Variants in CCSER1 observed in about 807,000 individuals in gnomAD.
CCSER1 encodes coiled-coil serine rich protein 1.
CCSER1 carries 41 observed loss-of-function variants against 82.0 expected under a neutral mutation model. That is an observed-to-expected ratio of 0.50 (90% CI 0.39 to 0.65). CCSER1 has a LOEUF of 0.65. Ranked by LOEUF, CCSER1 falls within the 30% of genes least tolerant of loss-of-function variation. The pLI is 0.00. For missense variants in CCSER1, 1,119 were observed against 1,064.2 expected, an observed-to-expected ratio of 1.05 and a Z score of -0.72; for synonymous variants, 414 against 383.9, an observed-to-expected ratio of 1.08 and a Z score of -0.92.
intron 4 of CCSER1, among the ~76,000 whole-genome samples, chr4:90,405,966 A>G (rs765652489): frequency 1.1e-4 from 17 of 152,112 alleles, no homozygotes; most frequent in Non-Finnish European, 2.5e-4. Context: ...AAAAAAAAGT[A>G]TGCAGGCAAC....
At chr4:90,930,255 A>G (rs1316483872) in intron 9 of CCSER1, among the ~76,000 whole-genome samples, 1 of 152,092 alleles carries the variant, frequency 6.6e-6, no homozygotes, top group African/African-American at 2.4e-5. Context: ...TATTTTTCCT[A>G]GACTGCCTTA....
At position 91,249,211 on chromosome 4, in the gene CCSER1, A is replaced by C. The variant is rs116305662; in HGVS notation, c.2217+163217A>C. Among the ~76,000 whole-genome samples, 504 of 152,254 alleles carry C rather than the reference A, an allele frequency of 3.3e-3. 3 individuals are homozygous for C. The highest frequency in any genetic ancestry group is 0.012 in the African/African-American group (485 of 41,566). ...AAAATTTGAAGGCTTGATTTGGTTC[A>C]CATTTTAAGCCATTTCTATGTTTTT... On this transcript the variant is annotated intron_variant, in intron 10 of 10. Transcript: ENST00000509176.
chr4:91,124,898 A>G (rs1249178405), intron 10 of CCSER1, among the ~76,000 whole-genome samples: 1 of 151,700 alleles, frequency 6.6e-6, no homozygotes, highest in African/African-American at 2.4e-5. Context: ...AGCTTGATCT[A>G]CTTTAATTTT....
chr4:91,236,549 TATA>T (rs1739026536), intron 10 of CCSER1, among the ~76,000 whole-genome samples: 1 of 152,124 alleles, frequency 6.6e-6, no homozygotes, highest in South Asian at 2.1e-4. Context: ...TGCAGTGTTC[TATA>T]ATTTTGAGGT....
intron 10 of CCSER1, among the ~76,000 whole-genome samples, chr4:91,418,041 T>C (rs1216458397): frequency 1.3e-5 from 2 of 151,668 alleles, no homozygotes; most frequent in Non-Finnish European, 2.9e-5. Context: ...CAAAAGAATA[T>C]TGAAACATAA....
At chr4:91,349,153 T>A (rs112217922) in intron 10 of CCSER1, among the ~76,000 whole-genome samples, 1 of 152,044 alleles carries the variant, frequency 6.6e-6, no homozygotes, top group Non-Finnish European at 1.5e-5. Context: ...GTGATCTGCC[T>A]GCCTCGGCCT....
rs189365642 is a variant in CCSER1, at chr4:90,520,526, A to T, written c.1724+52172A>T. On this transcript the variant is annotated intron_variant, in intron 5 of 10. Coordinates refer to ENST00000509176, the MANE Select transcript of CCSER1 (RefSeq NM_001145065.2). Reference sequence around the variant, plus strand: ...TTGTTGGCTTTCTTCACTAAATTCCAAGTTCCTTCAGGACTATGTCTTGCT... The same window carrying T: ...TTGTTGGCTTTCTTCACTAAATTCCTAGTTCCTTCAGGACTATGTCTTGCT... Among the ~76,000 whole-genome samples, 753 of 152,250 alleles carry T rather than the reference A, an allele frequency of 4.9e-3. 5 individuals are homozygous for T. Among genetic ancestry groups the T allele is most frequent in the Non-Finnish European group, 7.3e-3 (498 of 68,012 alleles).
intron 3 of CCSER1, among the ~76,000 whole-genome samples, chr4:90,315,527 CAG>C (rs1177926093): frequency 6.6e-6 from 1 of 152,030 alleles, no homozygotes; most frequent in African/African-American, 2.4e-5. Context: ...TTTTTTAAGG[CAG>C]AGTCTCACTC....
At chr4:91,594,378 TAC>T (rs536745275) in intron 10 of CCSER1, among the ~76,000 whole-genome samples, 3 of 137,390 alleles carry the variant, frequency 2.2e-5, no homozygotes, top group African/African-American at 5.2e-5. Flanking sequence ...CACATATATA[TAC>T]ACACATATAT....
At chr4:91,221,829 T>C (rs1231560122) in intron 10 of CCSER1, among the ~76,000 whole-genome samples, 1 of 152,086 alleles carries the variant, frequency 6.6e-6, no homozygotes, top group East Asian at 1.9e-4. Context: ...TAGAGTCCAG[T>C]GTGATAAGGT....
chr4:90,808,645 A>G (rs985165790), intron 7 of CCSER1, among the ~76,000 whole-genome samples: 2 of 152,184 alleles, frequency 1.3e-5, no homozygotes, highest in Admixed American at 1.3e-4. Context: ...AAAATGCTCA[A>G]CATCACTAAC....
At chr4:91,427,440 C>T (rs1578425413) in intron 10 of CCSER1, among the ~76,000 whole-genome samples, 1 of 152,008 alleles carries the variant, frequency 6.6e-6, no homozygotes, top group East Asian at 1.9e-4. Context: ...AGTAAGTTAC[C>T]CAGCCATTCA....
intron 5 of CCSER1, among the ~76,000 whole-genome samples, chr4:90,551,037 T>G (rs1777415663): frequency 6.6e-6 from 1 of 152,178 alleles, no homozygotes; most frequent in South Asian, 2.1e-4. Flanking sequence ...CTATTCTACC[T>G]AGCACTATTT....
intron 5 of CCSER1, among the ~76,000 whole-genome samples, chr4:90,489,305 T>C (rs988020710): frequency 2.6e-5 from 4 of 152,108 alleles, no homozygotes; most frequent in African/African-American, 9.7e-5. Flanking sequence ...GTATCTTAGA[T>C]ACCAATCTTA....
At chr4:91,368,933 G>A (rs1420259113) in intron 10 of CCSER1, among the ~76,000 whole-genome samples, 1 of 152,132 alleles carries the variant, frequency 6.6e-6, no homozygotes, top group Admixed American at 6.5e-5. Context: ...CTATTGATGA[G>A]GAGACATCTC....
In CCSER1 at chr4:90,899,022, GA is replaced by G. The variant is rs1724195573; in HGVS notation, c.2095-24347del. On this transcript the variant is annotated intron_variant, in intron 8 of 10. Transcript: ENST00000509176. ...TGATAGGAATTTATTTGAATCTGTA[GA>G]TTTTTTTGGGATGTGTAGTCATTTT... Among the ~76,000 whole-genome samples the G allele has an allele frequency of 2.0e-5, 3 of 151,934 alleles. No individual in the cohort carries two copies. In the South Asian group the frequency reaches 6.2e-4, roughly 32 times the overall value.
intron 3 of CCSER1, among the ~76,000 whole-genome samples, chr4:90,317,062 A>T (rs1579143894): frequency 6.6e-6 from 1 of 152,206 alleles, no homozygotes; most frequent in Admixed American, 6.5e-5. Context: ...AAGTTAAAGA[A>T]CATATTTCTT....
At chr4:90,209,799 G>A (rs1020461968) in intron 1 of CCSER1, among the ~76,000 whole-genome samples, 5 of 147,562 alleles carry the variant, frequency 3.4e-5, no homozygotes, top group African/African-American at 1.3e-4. Context: ...TTTCGGTATA[G>A]TACTGTTTTA....
chr4:90,889,331 A>G (rs1244797733), intron 8 of CCSER1, among the ~76,000 whole-genome samples: 1 of 152,106 alleles, frequency 6.6e-6, no homozygotes. Flanking sequence ...AACAACACAT[A>G]ATGATGATGA....
Sources: gnomAD v4.1 joint callset for allele counts (sites outside exome capture counted in the v4.1 genomes callset) on GRCh38, gnomAD v4.1.1 for gene constraint, MANE v1.5 for transcripts, NCBI Gene and HGNC (gene_info 2026-07-23, HGNC 2026-07-21) for gene names.